The following MPP3 variants were observed in gnomAD, a reference collection of about 807,000 sequenced individuals.
MPP3 encodes MAGUK p55 scaffold protein 3, also known as MAGUK p55 subfamily member 3.
In MPP3, 48 loss-of-function variants were observed where a neutral mutation model predicts 80.7. The ratio of observed to expected loss-of-function variants is 0.59; its 90% CI spans 0.47 to 0.76. The LOEUF is 0.76. MPP3 is among the 30% of genes least tolerant of loss of function. MPP3 has a pLI of 0.00. For missense variants in MPP3, 620 were observed against 763.0 expected (o/e 0.81, Z 2.21); for synonymous variants, 311 against 297.6 (o/e 1.04, Z -0.46).
Position 43,801,772 on chromosome 17 carries a change from T to C in MPP3, c.1687A>G (p.Ser563Gly), listed in dbSNP as rs762078973. 7 of 1,614,026 alleles carry C rather than the reference T, an allele frequency of 4.3e-6. No individual in the cohort carries two copies. The South Asian group carries it at 4.4e-5, about 10-fold the overall frequency. Residue 563 changes from serine (S) to glycine (G), a missense_variant, in exon 20 of 20, where the codon AGC becomes GGC. Physicochemically the swap from Ser to Gly is moderately conservative, Grantham distance 56 (BLOSUM62 0). Transcript: ENST00000398389. Reference sequence around the variant, plus strand: ...TTCTCTAAGACCACTTTGAGCTGGCTGTAGGCACCCTGGAGATCCTCCTTC... The same window carrying C: ...TTCTCTAAGACCACTTTGAGCTGGCCGTAGGCACCCTGGAGATCCTCCTTC... ...LVKEDLQGAY[S>G]QLKVVLEKLS...
chr17:43,819,707 A>G (rs919831556), intron 11 of MPP3, among the ~76,000 whole-genome samples: 1 of 152,170 alleles, frequency 6.6e-6, no homozygotes, highest in African/African-American at 2.4e-5. Context: ...AATGAATGGC[A>G]CAGCTCCTGA....
Position 43,829,794 on chromosome 17 carries a change from G to A in MPP3, c.304-3C>T. On this transcript the variant is annotated splice_polypyrimidine_tract_variant and splice_region_variant and intron_variant, in intron 6 of 19. Transcript: ENST00000398389. ...GTGTCATGTACCATGAGCACAGCCT[G>A]CCGGGAAAGCCAGAGAAAAGGAAGG... 6.2e-7 allele frequency: 1 copy of A among 1,612,712 alleles called. No homozygotes were observed. Among genetic ancestry groups the A allele is most frequent in the South Asian group, 1.1e-5 (1 of 91,016 alleles).
chr17:43,830,225 C>G (rs1598371440), intron 5 of MPP3, 118 bp from the exon 6 acceptor site: 1 of 592,200 alleles, frequency 1.7e-6, no homozygotes, highest in Non-Finnish European at 2.7e-6. Context: ...ACACCAGACC[C>G]TCAACCACCC....
chr17:43,827,845 C>T lies in MPP3; in HGVS notation c.442-13G>A, dbSNP rs115752268. The T allele has an allele frequency of 4.2e-3, 6,774 of 1,612,690 alleles. 232 individuals are homozygous for T. The African/African-American group carries it at 0.079, about 19-fold the overall frequency. ...GGATGGTGGCACCCTGAACCCGAGA[C>T]AGAAGAGACAGGTTCTTAAGCAGCA... is the stretch of plus-strand genomic sequence containing the variant. On this transcript the variant is annotated splice_polypyrimidine_tract_variant and intron_variant, in intron 7 of 19. Transcript: ENST00000398389.
chr17:43,801,981 G>A, intron 19 of MPP3, 104 bp from the exon 20 acceptor site: 1 of 1,186,674 alleles, frequency 8.4e-7, no homozygotes, highest in Non-Finnish European at 1.2e-6. Context: ...TTTAAGTGAT[G>A]AGTGGATGAC....
intron 9 of MPP3, chr17:43,825,444 A>T (rs2045650417): frequency 3.6e-6 from 1 of 277,884 alleles, no homozygotes; most frequent in Non-Finnish European, 6.8e-6. Flanking sequence ...GCACAGCTGG[A>T]AGGAGGCAGA....
intron 18 of MPP3, among the ~76,000 whole-genome samples, chr17:43,809,730 T>C (rs909415226): frequency 8.6e-5 from 13 of 151,916 alleles, no homozygotes; most frequent in African/African-American, 3.1e-4. Flanking sequence ...ATACAAAAAA[T>C]TAGCCAGGCG....
intron 19 of MPP3, among the ~76,000 whole-genome samples, chr17:43,806,188 C>A (rs1385046159): frequency 6.6e-6 from 1 of 151,888 alleles, no homozygotes; most frequent in Non-Finnish European, 1.5e-5. Context: ...TTTTTTGAGA[C>A]AGAGTCTTGC....
At chr17:43,824,269 T>G (rs1379286439) in intron 9 of MPP3, among the ~76,000 whole-genome samples, 1 of 152,204 alleles carries the variant, frequency 6.6e-6, no homozygotes, top group African/African-American at 2.4e-5. Context: ...GTAACTGTAT[T>G]TTCAAAAGTC....
intron 16 of MPP3, among the ~76,000 whole-genome samples, chr17:43,813,365 T>C (rs1034376530): frequency 1.3e-5 from 2 of 152,142 alleles, no homozygotes; most frequent in African/African-American, 4.8e-5. Flanking sequence ...CTGGGAGGGC[T>C]GACGCAGGGC....
At chr17:43,802,674 A>C (rs1235179826) in intron 19 of MPP3, among the ~76,000 whole-genome samples, 3 of 152,216 alleles carry the variant, frequency 2.0e-5, no homozygotes, top group Non-Finnish European at 4.4e-5. Context: ...TGGTTTTGGA[A>C]AACAGGAAAG....
intron 10 of MPP3, among the ~76,000 whole-genome samples, chr17:43,822,499 C>T (rs998300880): frequency 6.6e-6 from 1 of 151,316 alleles, no homozygotes; most frequent in African/African-American, 2.4e-5. Context: ...AAAGTGATGC[C>T]CTCCTCTCTA....
At chr17:43,829,567 C>T (rs566585531) in intron 7 of MPP3, 87 bp downstream of exon 7, 5 of 1,516,618 alleles carry the variant, frequency 3.3e-6, no homozygotes, top group African/African-American at 1.4e-5. Flanking sequence ...ACTCTGAAGA[C>T]TTCGGGGAGG....
At chr17:43,829,967 C>T (rs1355203819) in intron 6 of MPP3, 60 bp downstream of exon 6, 5 of 1,577,004 alleles carry the variant, frequency 3.2e-6, no homozygotes, top group Non-Finnish European at 1.7e-6. Flanking sequence ...AGGAGAGCTC[C>T]CTCCGCCCCC....
chr17:43,815,847 TG>T, intron 14 of MPP3, 190 bp downstream of exon 14: 1 of 669,832 alleles, frequency 1.5e-6, no homozygotes, highest in Non-Finnish European at 2.6e-6. Flanking sequence ...AAAAGCTGGG[TG>T]GGGGCCCAAT....
At chr17:43,813,093 A>C (rs1346607476) in intron 16 of MPP3, among the ~76,000 whole-genome samples, 3 of 152,178 alleles carry the variant, frequency 2.0e-5, no homozygotes, top group Non-Finnish European at 4.4e-5. Context: ...CCAGGCATTC[A>C]CACTGCATCC....
Position 43,827,452 on chromosome 17 carries a change from G to A in MPP3, c.523+299C>T, listed in dbSNP as rs561929655. On this transcript the variant is annotated intron_variant, in intron 8 of 19. Coordinates refer to ENST00000398389, the MANE Select transcript of MPP3 (RefSeq NM_001932.6). ...GTGTGTTTAGTAGAAATGGGGTTTC[G>A]CCATGTTGGCTAGGCTGGTCTGGAA... Among the ~76,000 whole-genome samples the A allele has an allele frequency of 2.3e-3, 353 of 150,254 alleles. 2 individuals carry two copies. The highest frequency in any genetic ancestry group is 8.3e-3 in the African/African-American group (338 of 40,764).
intron 10 of MPP3, among the ~76,000 whole-genome samples, chr17:43,821,988 A>C (rs1172568413): frequency 6.6e-6 from 1 of 152,174 alleles, no homozygotes; most frequent in Non-Finnish European, 1.5e-5. Flanking sequence ...GCCAGCCCAA[A>C]TCAAGCATCT....
chr17:43,812,974 G>A (rs1257856701), intron 16 of MPP3, among the ~76,000 whole-genome samples: 1 of 152,196 alleles, frequency 6.6e-6, no homozygotes, highest in Non-Finnish European at 1.5e-5. Context: ...GCTGGGCCCA[G>A]GGGCCCAGGG....
Sources: gnomAD v4.1 joint callset for allele counts (sites outside exome capture counted in the v4.1 genomes callset) on GRCh38, gnomAD v4.1.1 for gene constraint, MANE v1.5 for transcripts, NCBI Gene and HGNC (gene_info 2026-07-23, HGNC 2026-07-21) for gene names.